The following ARHGAP6 variants were observed in gnomAD, a reference collection of about 807,000 sequenced individuals.
The protein encoded by ARHGAP6 is rho GTPase-activating protein 6.
ARHGAP6 carries 16 observed loss-of-function variants against 55.7 expected under a neutral mutation model. That is an observed-to-expected ratio of 0.29 (90% CI 0.19 to 0.44). The LOEUF is 0.44. ARHGAP6 is among the 20% of genes least tolerant of loss of function. The probability of loss-of-function intolerance (pLI) is 1.00; values close to 1 mark genes in which losing one functional copy is unlikely to be tolerated. For synonymous variants in ARHGAP6, 382 were observed against 360.9 expected (o/e 1.06, Z -0.66); for missense variants, 698 against 808.9 (o/e 0.86, Z 1.66).
intron 2 of ARHGAP6, among the ~76,000 whole-genome samples, chrX:11,199,272 C>T (rs775891898): frequency 1.8e-5 from 2 of 112,141 alleles, no homozygotes; most frequent in Non-Finnish European, 3.8e-5. Context: ...TTCTTATGAG[C>T]GTGTATGTAC....
chrX:11,340,727 T>TCAAA (rs1555993290), intron 1 of ARHGAP6, among the ~76,000 whole-genome samples: 2,936 of 95,866 alleles, frequency 0.031, 116 homozygotes, highest in African/African-American at 0.066. Flanking sequence ...AGACTCCGTC[T>TCAAA]AAAAAAAAAA....
chrX:11,581,099 C>T (rs1337111157), intron 1 of ARHGAP6, among the ~76,000 whole-genome samples: 3 of 112,093 alleles, frequency 2.7e-5, no homozygotes, highest in Non-Finnish European at 3.8e-5. Context: ...GAAAATACAA[C>T]CCAATTAAAA....
rs777618860 is a variant in ARHGAP6 at position 11,364,877 on chromosome X, C to T, written c.589-110170G>A. Among the ~76,000 whole-genome samples, 5 of 110,661 alleles carry T rather than the reference C, an allele frequency of 4.5e-5. No individual in the cohort carries two copies. In the South Asian group the frequency reaches 1.2e-3, roughly 26 times the overall value. ...CCATTTTGCTGTGCTGTCTCAGGTC[C>T]GGCACTGCTGCTAGGAGCCCTGGAC... On this transcript the variant is annotated intron_variant, in intron 1 of 12. Transcript: ENST00000337414.
intron 2 of ARHGAP6, among the ~76,000 whole-genome samples, chrX:11,216,488 A>G (rs1212418408): frequency 9.0e-6 from 1 of 111,290 alleles, no homozygotes; most frequent in East Asian, 2.8e-4. Flanking sequence ...ACCCTGTCTC[A>G]CCAAAAATAC....
chrX:11,405,424 G>T (rs754488987), intron 1 of ARHGAP6, among the ~76,000 whole-genome samples: 27 of 111,818 alleles, frequency 2.4e-4, no homozygotes, highest in Non-Finnish European at 4.3e-4. Flanking sequence ...AACACATCTG[G>T]ATCCCAATTC....
At chrX:11,297,345 C>T (rs1287687078) in intron 1 of ARHGAP6, among the ~76,000 whole-genome samples, 1 of 111,714 alleles carries the variant, frequency 9.0e-6, no homozygotes, top group Non-Finnish European at 1.9e-5. Context: ...TCTCCTCAAC[C>T]TCTTACTAAC....
chrX:11,270,185 G>A (rs1264546518), intron 1 of ARHGAP6, among the ~76,000 whole-genome samples: 1 of 112,050 alleles, frequency 8.9e-6, no homozygotes, highest in East Asian at 2.8e-4. Flanking sequence ...AACCCAGGCA[G>A]TCTGTTTTCA....
intron 1 of ARHGAP6, among the ~76,000 whole-genome samples, chrX:11,617,460 A>G (rs983114045): frequency 2.7e-5 from 3 of 111,906 alleles, no homozygotes; most frequent in Admixed American, 9.5e-5. Context: ...CGCATTTGTG[A>G]TAGGCAAAAT....
intron 1 of ARHGAP6, among the ~76,000 whole-genome samples, chrX:11,652,514 G>A (rs1433364880): frequency 8.9e-6 from 1 of 111,912 alleles, no homozygotes; most frequent in Non-Finnish European, 1.9e-5. Flanking sequence ...TTTTCCAGTT[G>A]TAGTTGGATA....
intron 1 of ARHGAP6, among the ~76,000 whole-genome samples, chrX:11,313,163 G>A (rs2048319789): frequency 8.9e-6 from 1 of 112,390 alleles, no homozygotes; most frequent in Non-Finnish European, 1.9e-5. Flanking sequence ...GCCTATAAGA[G>A]GCAAAGCCAG....
At chrX:11,519,646 T>C (rs1240916057) in intron 1 of ARHGAP6, among the ~76,000 whole-genome samples, 2 of 109,311 alleles carry the variant, frequency 1.8e-5, no homozygotes, top group African/African-American at 3.4e-5. Context: ...GAGATATAGA[T>C]CAATGGAACA....
At chrX:11,206,315 T>C (rs1272343607) in intron 2 of ARHGAP6, among the ~76,000 whole-genome samples, 2 of 112,333 alleles carry the variant, frequency 1.8e-5, no homozygotes, top group African/African-American at 3.2e-5. Context: ...GCTTAGCATA[T>C]TGATGTGAAA....
intron 10 of ARHGAP6, 145 bp from the exon 11 acceptor site, chrX:11,144,393 G>C: frequency 6.2e-6 from 5 of 809,390 alleles, no homozygotes; most frequent in Non-Finnish European, 8.8e-6. Flanking sequence ...AATGTTCCAA[G>C]ACATGTACAT....
At chrX:11,590,869 G>GAAAAGAAAAGAAAAGAAGGAAAGAAA (rs2051813205) in intron 1 of ARHGAP6, among the ~76,000 whole-genome samples, 1 of 24,219 alleles carries the variant, frequency 4.1e-5, no homozygotes, top group Non-Finnish European at 6.7e-5. Flanking sequence ...AAGAAAAGAA[G>GAAAAGAAAAGAAAAGAAGGAAAGAAA]GAAAGAAAGA....
chrX:11,458,586 CTTCAT>C (rs1477273100), intron 1 of ARHGAP6, among the ~76,000 whole-genome samples: 1 of 112,296 alleles, frequency 8.9e-6, no homozygotes, highest in African/African-American at 3.2e-5. Flanking sequence ...GATTTATTTT[CTTCAT>C]TTATCAAAAG....
intron 1 of ARHGAP6, among the ~76,000 whole-genome samples, chrX:11,360,881 C>G (rs990629336): frequency 3.6e-5 from 4 of 110,842 alleles, no homozygotes; most frequent in Non-Finnish European, 5.6e-5. Context: ...AGAGCCAAAT[C>G]ATGAGTGAAC....
Position 11,139,002 on chromosome X carries a change from G to A in ARHGAP6, c.2786C>T (p.Ala929Val), listed in dbSNP as rs1189860463. ...CTGCTCGCCCGCTGGCAGGGAGTTG[G>A]CGCTGCTCAGTTTTTTCTGCGTGAC... ...QQVTQKKLSS[A>V]NSLPAGEQDS... The change falls in exon 13 of 13, where the codon GCC (alanine) becomes GTC (valine). Residue 929 changes from alanine (A) to valine (V), a missense_variant. Around this residue, in one of 3 missense-constraint regions of ARHGAP6, gnomAD observed 212 missense variants for 208.7 expected, o/e 1.02. Transcript: ENST00000337414. The A allele has an allele frequency of 1.7e-6, 2 of 1,207,886 alleles. No individual in the cohort carries two copies. Among genetic ancestry groups the A allele is most frequent in the Admixed American group, 2.2e-5 (1 of 45,948 alleles).
At chrX:11,165,769 G>A (rs1184814556) in intron 9 of ARHGAP6, among the ~76,000 whole-genome samples, 1 of 110,829 alleles carries the variant, frequency 9.0e-6, no homozygotes. Context: ...CAAAGGTGTG[G>A]TTAGGAAACT....
intron 1 of ARHGAP6, among the ~76,000 whole-genome samples, chrX:11,555,985 A>G (rs1276811473): frequency 2.7e-5 from 3 of 111,173 alleles, no homozygotes; most frequent in African/African-American, 9.8e-5. Flanking sequence ...GAGGGTGTTG[A>G]GTAAGTGGGA....
Sources: allele counts gnomAD v4.1 joint callset (sites outside exome capture counted in the v4.1 genomes callset), GRCh38; gene constraint gnomAD v4.1.1; regional missense constraint gnomAD v4.1.1; transcripts MANE v1.5; gene names NCBI Gene and HGNC (gene_info 2026-07-23, HGNC 2026-07-21).